Variants in SPOCK3 observed in about 807,000 individuals in gnomAD.
SPOCK3 encodes testican-3.
Under a neutral mutation model 56.6 loss-of-function variants are expected in SPOCK3, and 30 were observed. The observed-to-expected ratio is 0.53, with a 90% CI of 0.40 to 0.72. The LOEUF is 0.72. Among genes scored for constraint, SPOCK3 ranks in the 30% least tolerant of loss-of-function variants. The pLI is 0.00. For synonymous variants in SPOCK3, 196 were observed against 183.3 expected, an observed-to-expected ratio of 1.07 and a Z score of -0.56; for missense variants, 527 against 530.0, an observed-to-expected ratio of 0.99 and a Z score of 0.06.
intron 3 of SPOCK3, among the ~76,000 whole-genome samples, chr4:167,005,387 T>C (rs746634953): frequency 2.0e-5 from 3 of 151,774 alleles, no homozygotes; most frequent in Non-Finnish European, 4.4e-5. Context: ...TTTTTTTTTG[T>C]ATTTTTTAGT....
chr4:166,916,410 A>G (rs1005185403), intron 4 of SPOCK3, among the ~76,000 whole-genome samples: 2 of 151,998 alleles, frequency 1.3e-5, no homozygotes, highest in Non-Finnish European at 2.9e-5. Flanking sequence ...TTTAACTTTC[A>G]CTCTAGTCTT....
chr4:167,173,737 A>T (rs1730708124), intron 2 of SPOCK3, among the ~76,000 whole-genome samples: 1 of 152,118 alleles, frequency 6.6e-6, no homozygotes, highest in Admixed American at 6.6e-5. Flanking sequence ...GACTTCAAGA[A>T]TCTCAGAGTA....
intron 2 of SPOCK3, among the ~76,000 whole-genome samples, chr4:167,110,896 G>C (rs1469717899): frequency 2.0e-5 from 3 of 151,924 alleles, no homozygotes; most frequent in Non-Finnish European, 4.4e-5. Flanking sequence ...TATACTGGTT[G>C]AGAGATTTTA....
chr4:167,223,689 C>G (rs1371848163), intron 2 of SPOCK3, among the ~76,000 whole-genome samples: 1 of 152,102 alleles, frequency 6.6e-6, no homozygotes, highest in South Asian at 2.1e-4. Flanking sequence ...GTGAATCATG[C>G]CTGTAATCCC....
At chr4:167,087,191 G>A (rs775566621) in intron 2 of SPOCK3, among the ~76,000 whole-genome samples, 23 of 152,050 alleles carry the variant, frequency 1.5e-4, no homozygotes, top group Non-Finnish European at 3.2e-4. Flanking sequence ...ACTCTATGAG[G>A]TACAGTTGTT....
chr4:166,766,058 A>T (rs1247685159), intron 7 of SPOCK3, among the ~76,000 whole-genome samples: 2 of 152,248 alleles, frequency 1.3e-5, no homozygotes, highest in East Asian at 3.9e-4. Flanking sequence ...ACTTTGCTGA[A>T]GTTGCTTATC....
rs543863643 is a variant in SPOCK3 at position 166,874,139 on chromosome 4, T to G, written c.589+14991A>C. 3.5e-4 allele frequency among the ~76,000 whole-genome samples: 54 copies of G among 152,210 alleles called. No individual in the cohort carries two copies. In the East Asian group the frequency reaches 8.1e-3, roughly 23 times the overall value. ...TAATGTCTTTCTCTGGGGTAGAGGT[T>G]GTACAAGTTTGCTACTATCCTCTTT... On this transcript the variant is annotated intron_variant, in intron 6 of 10. Coordinates refer to ENST00000357545, the MANE Select transcript of SPOCK3 (RefSeq NM_001040159.2).
chr4:166,996,550 G>A (rs1353983889), intron 4 of SPOCK3, among the ~76,000 whole-genome samples: 1 of 152,058 alleles, frequency 6.6e-6, no homozygotes, highest in East Asian at 1.9e-4. Flanking sequence ...TCTAAATAAT[G>A]GGTTATGTTA....
intron 8 of SPOCK3, among the ~76,000 whole-genome samples, chr4:166,746,581 A>C (rs1475459883): frequency 6.6e-6 from 1 of 152,180 alleles, no homozygotes; most frequent in East Asian, 1.9e-4. Flanking sequence ...AGAACTAGAG[A>C]GGCAAGAGCA....
chr4:166,925,064 T>C (rs946085869), intron 4 of SPOCK3, among the ~76,000 whole-genome samples: 3 of 152,146 alleles, frequency 2.0e-5, no homozygotes, highest in East Asian at 1.9e-4. Context: ...TATAGAGAGA[T>C]AAATATCTAT....
intron 2 of SPOCK3, among the ~76,000 whole-genome samples, chr4:167,130,088 T>C (rs1762583321): frequency 6.6e-6 from 1 of 152,156 alleles, no homozygotes; most frequent in Non-Finnish European, 1.5e-5. Flanking sequence ...TAATCATAGC[T>C]TACTGCAGCC....
intron 6 of SPOCK3, among the ~76,000 whole-genome samples, chr4:166,865,849 T>A (rs1003375553): frequency 1.3e-5 from 2 of 152,152 alleles, no homozygotes; most frequent in East Asian, 3.8e-4. Context: ...AAAATGGCCA[T>A]ATTGCCCAAA....
intron 2 of SPOCK3, among the ~76,000 whole-genome samples, chr4:167,121,410 ATT>A (rs1214691932): frequency 6.6e-6 from 1 of 151,934 alleles, no homozygotes; most frequent in Non-Finnish European, 1.5e-5. Context: ...GTGTTATAGT[ATT>A]AGATGAGAGA....
chr4:166,853,814 G>A (rs1207115229), intron 6 of SPOCK3, among the ~76,000 whole-genome samples: 1 of 151,932 alleles, frequency 6.6e-6, no homozygotes, highest in Non-Finnish European at 1.5e-5. Context: ...CCCAGAAGGC[G>A]GAGGTTGCAG....
chr4:166,763,169 TG>T lies in SPOCK3; in HGVS notation c.710-8441del, dbSNP rs1275486069. Among the ~76,000 whole-genome samples, 7 of 150,668 alleles carry T rather than the reference TG, an allele frequency of 4.6e-5. No homozygotes were observed. The South Asian group carries it at 1.5e-3, about 31-fold the overall frequency. ...ACTTTAAAAGTAGCCAGACAAATAC[TG>T]AAACAGGAGAAATTCTGCACAGAGG... On this transcript the variant is annotated intron_variant, in intron 7 of 10. Coordinates refer to ENST00000357545, the MANE Select transcript of SPOCK3 (RefSeq NM_001040159.2).
intron 6 of SPOCK3, among the ~76,000 whole-genome samples, chr4:166,852,576 C>A (rs954846558): frequency 6.6e-6 from 1 of 152,120 alleles, no homozygotes; most frequent in Non-Finnish European, 1.5e-5. Context: ...GATAAGAGAC[C>A]ACCAACCATA....
At chr4:166,794,037 C>T (rs890194522) in intron 6 of SPOCK3, among the ~76,000 whole-genome samples, 13 of 151,522 alleles carry the variant, frequency 8.6e-5, no homozygotes, top group African/African-American at 2.7e-4. Context: ...TGCTCTGTGC[C>T]CAGTGCAGAG....
intron 6 of SPOCK3, among the ~76,000 whole-genome samples, chr4:166,809,955 C>T (rs949197459): frequency 1.3e-5 from 2 of 152,062 alleles, no homozygotes; most frequent in African/African-American, 4.8e-5. Context: ...ATATGTCTCT[C>T]CAACACCTTT....
chr4:166,979,882 A>G (rs17702475), intron 4 of SPOCK3, among the ~76,000 whole-genome samples: 11,783 of 152,318 alleles, frequency 0.077, 732 homozygotes, highest in Admixed American at 0.22. Flanking sequence ...ACTGGTTACC[A>G]CATGAGCTTT....
Sources: gnomAD v4.1 joint callset for allele counts (sites outside exome capture counted in the v4.1 genomes callset) on GRCh38, gnomAD v4.1.1 for gene constraint, MANE v1.5 for transcripts, NCBI Gene and HGNC (gene_info 2026-07-23, HGNC 2026-07-21) for gene names.